The following ZMAT4 variants were observed in gnomAD, a reference collection of about 807,000 sequenced individuals.
ZMAT4 encodes zinc finger matrin-type 4.
Under a neutral mutation model 28.7 loss-of-function variants are expected in ZMAT4, and 17 were observed. That is an observed-to-expected ratio of 0.59 (90% CI 0.41 to 0.89). The LOEUF (loss-of-function observed/expected upper bound fraction) is 0.89. Ranked by LOEUF, ZMAT4 falls within the 40% of genes least tolerant of loss-of-function variation. The pLI, the probability that ZMAT4 is intolerant of heterozygous loss-of-function variation, is 0.00. For synonymous variants in ZMAT4, 117 were observed against 109.2 expected, an observed-to-expected ratio of 1.07 and a Z score of -0.44; for missense variants, 240 against 283.8, an observed-to-expected ratio of 0.85 and a Z score of 1.11.
chr8:40,680,501 G>T (rs1809110017), intron 4 of ZMAT4, among the ~76,000 whole-genome samples: 1 of 152,070 alleles, frequency 6.6e-6, no homozygotes, highest in South Asian at 2.1e-4. Flanking sequence ...AAGATCCACG[G>T]ACAGATCTCA....
chr8:40,682,094 A>T (rs142189627), intron 4 of ZMAT4, among the ~76,000 whole-genome samples: 50 of 152,302 alleles, frequency 3.3e-4, no homozygotes, highest in African/African-American at 1.2e-3. Context: ...AATCTTAGTA[A>T]TAGGTGTTTC....
At chr8:40,807,488 C>T (rs1032815907) in intron 2 of ZMAT4, among the ~76,000 whole-genome samples, 2 of 152,102 alleles carry the variant, frequency 1.3e-5, no homozygotes, top group African/African-American at 4.8e-5. Flanking sequence ...GGAGTCAAAT[C>T]TAAGTGGCTA....
intron 4 of ZMAT4, among the ~76,000 whole-genome samples, chr8:40,676,383 C>T (rs976701757): frequency 1.3e-5 from 2 of 152,066 alleles, no homozygotes; most frequent in African/African-American, 4.8e-5. Context: ...TATGTAAATT[C>T]TCACATGGGC....
intron 3 of ZMAT4, among the ~76,000 whole-genome samples, chr8:40,736,277 TCAC>T (rs2150530418): frequency 6.6e-6 from 1 of 152,262 alleles, no homozygotes; most frequent in South Asian, 2.1e-4. Flanking sequence ...TGCAAACAGC[TCAC>T]CAGGAAAATG....
intron 4 of ZMAT4, among the ~76,000 whole-genome samples, chr8:40,678,216 G>A (rs1053878826): frequency 1.3e-5 from 2 of 152,138 alleles, no homozygotes; most frequent in Non-Finnish European, 2.9e-5. Context: ...TTTGCTGTAG[G>A]CAATAGCCAA....
In ZMAT4 at chr8:40,618,862, G is replaced by A. The variant is rs140396773; in HGVS notation, c.578-37601C>T. ...CCAGAAGCGATGGATTCAAGGAATC[G>A]AGTGCAAAAACTTTCTTCTAGAAGC... On this transcript the variant is annotated intron_variant, in intron 5 of 6. Coordinates refer to ENST00000297737, the MANE Select transcript of ZMAT4 (RefSeq NM_024645.3). Among the ~76,000 whole-genome samples the A allele has an allele frequency of 6.3e-3, 959 of 152,254 alleles. 8 individuals carry two copies. Among genetic ancestry groups the A allele is most frequent in the African/African-American group, 0.022 (897 of 41,534 alleles).
At chr8:40,598,563 A>T (rs1306858170) in intron 5 of ZMAT4, among the ~76,000 whole-genome samples, 1 of 152,172 alleles carries the variant, frequency 6.6e-6, no homozygotes, top group Non-Finnish European at 1.5e-5. Context: ...ATATAGCTGC[A>T]TAGTATTCCA....
chr8:40,841,270 G>A (rs1285346941), intron 1 of ZMAT4, among the ~76,000 whole-genome samples: 1 of 152,146 alleles, frequency 6.6e-6, no homozygotes, highest in Non-Finnish European at 1.5e-5. Flanking sequence ...TCTGATAAGA[G>A]CCAGTTTGAA....
At chr8:40,868,097 T>A (rs557908492) in intron 1 of ZMAT4, among the ~76,000 whole-genome samples, 78 of 152,314 alleles carry the variant, frequency 5.1e-4, no homozygotes, top group Middle Eastern at 6.8e-3. Flanking sequence ...ATATATATGA[T>A]ATATAAATAA....
intron 5 of ZMAT4, among the ~76,000 whole-genome samples, chr8:40,604,142 G>A (rs750047615): frequency 1.3e-5 from 2 of 152,058 alleles, no homozygotes; most frequent in Non-Finnish European, 2.9e-5. Context: ...GGTTTTCTAG[G>A]TATACAATCC....
chr8:40,880,399 A>G (rs1221296343), intron 1 of ZMAT4, among the ~76,000 whole-genome samples: 1 of 152,064 alleles, frequency 6.6e-6, no homozygotes, highest in Admixed American at 6.6e-5. Flanking sequence ...AGAAATCCTA[A>G]AAAATCACGC....
chr8:40,833,523 ATACCAC>A (rs1816362262), intron 1 of ZMAT4, among the ~76,000 whole-genome samples: 1 of 144,008 alleles, frequency 6.9e-6, no homozygotes, highest in African/African-American at 2.6e-5. Flanking sequence ...AACCGAGATC[ATACCAC>A]TACACTCCAG....
At chr8:40,856,596 G>A (rs1817307043) in intron 1 of ZMAT4, among the ~76,000 whole-genome samples, 3 of 152,220 alleles carry the variant, frequency 2.0e-5, no homozygotes, top group Non-Finnish European at 4.4e-5. Flanking sequence ...GCAGGTGGTA[G>A]CATAAAGCCA....
At chr8:40,696,832 AG>A (rs1809909358) in intron 4 of ZMAT4, among the ~76,000 whole-genome samples, 1 of 152,204 alleles carries the variant, frequency 6.6e-6, no homozygotes, top group Non-Finnish European at 1.5e-5. Flanking sequence ...GGTAAAAAAA[AG>A]GATGATGTCC....
chr8:40,746,359 T>TCCTTTCCTTTCCTTCC (rs1471331033), intron 3 of ZMAT4, among the ~76,000 whole-genome samples: 2 of 63,196 alleles, frequency 3.2e-5, no homozygotes, highest in African/African-American at 1.1e-4. Context: ...TCCTTCCCTT[T>TCCTTTCCTTTCCTTCC]CTTTCCTTTC....
At chr8:40,618,208 A>G (rs1044704312) in intron 5 of ZMAT4, among the ~76,000 whole-genome samples, 2 of 152,224 alleles carry the variant, frequency 1.3e-5, no homozygotes, top group Admixed American at 6.5e-5. Context: ...GAACTTTAAA[A>G]TATCAGTCCA....
intron 2 of ZMAT4, among the ~76,000 whole-genome samples, chr8:40,804,460 T>C (rs1814989894): frequency 6.6e-6 from 1 of 152,194 alleles, no homozygotes; most frequent in Admixed American, 6.6e-5. Flanking sequence ...GATAAATCAG[T>C]CAATCTATCT....
chr8:40,723,912 G>A (rs777031549), intron 3 of ZMAT4, among the ~76,000 whole-genome samples: 2 of 152,116 alleles, frequency 1.3e-5, no homozygotes, highest in Non-Finnish European at 2.9e-5. Flanking sequence ...TGCCACATGT[G>A]AAAATGCACC....
intron 3 of ZMAT4, among the ~76,000 whole-genome samples, chr8:40,735,211 A>G (rs116602999): frequency 0.017 from 2,573 of 152,366 alleles, 68 homozygotes; most frequent in African/African-American, 0.058. Context: ...GTGGTAATAC[A>G]TCTGCAAAGT....
Sources: gnomAD v4.1 joint callset for allele counts (sites outside exome capture counted in the v4.1 genomes callset) on GRCh38, gnomAD v4.1.1 for gene constraint, MANE v1.5 for transcripts, NCBI Gene and HGNC (gene_info 2026-07-23, HGNC 2026-07-21) for gene names.